Variants in NELL1 observed in about 807,000 individuals in gnomAD.
NELL1 encodes the protein protein kinase C-binding protein NELL1.
In NELL1, 76 loss-of-function variants were observed where a neutral mutation model predicts 107.4. That is an observed-to-expected ratio of 0.71 (90% CI 0.59 to 0.86). NELL1 has a LOEUF of 0.86. Ranked by LOEUF, NELL1 falls within the 40% of genes least tolerant of loss-of-function variation. The pLI, the probability that NELL1 is intolerant of heterozygous loss-of-function variation, is 0.00. For synonymous variants in NELL1, 353 were observed against 341.2 expected, an observed-to-expected ratio of 1.03 and a Z score of -0.38; for missense variants, 1,024 against 1,005.5, an observed-to-expected ratio of 1.02 and a Z score of -0.25.
chr11:21,519,293 A>G (rs931683045), intron 15 of NELL1, among the ~76,000 whole-genome samples: 1 of 152,210 alleles, frequency 6.6e-6, no homozygotes, highest in African/African-American at 2.4e-5. Flanking sequence ...TTCTCAAAGT[A>G]GAGTTCTCAG....
intron 13 of NELL1, among the ~76,000 whole-genome samples, chr11:21,223,200 C>A (rs1857805243): frequency 6.6e-6 from 1 of 152,034 alleles, no homozygotes; most frequent in South Asian, 2.1e-4. Context: ...TTCTCTTTCT[C>A]TCTTCAGATG....
At chr11:21,347,033 C>T (rs1850698428) in intron 14 of NELL1, among the ~76,000 whole-genome samples, 1 of 152,144 alleles carries the variant, frequency 6.6e-6, no homozygotes, top group Admixed American at 6.5e-5. Context: ...ATAAACTTAA[C>T]AATGCTGCTG....
At chr11:21,364,731 T>C (rs915612959) in intron 14 of NELL1, among the ~76,000 whole-genome samples, 1 of 152,142 alleles carries the variant, frequency 6.6e-6, no homozygotes, top group African/African-American at 2.4e-5. Flanking sequence ...ACTCAAATAA[T>C]AGACAGGGCA....
intron 12 of NELL1, among the ~76,000 whole-genome samples, chr11:20,970,053 G>GTCCGTCCGTCCATCCATCCA (rs1288028582): frequency 4.0e-5 from 5 of 125,968 alleles, no homozygotes; most frequent in African/African-American, 1.7e-4. Flanking sequence ...CTATCTCTCT[G>GTCCGTCCGTCCATCCATCCA]TCCATCCATC....
intron 13 of NELL1, among the ~76,000 whole-genome samples, chr11:21,135,055 T>A (rs1451352378): frequency 6.6e-6 from 1 of 152,182 alleles, no homozygotes; most frequent in African/African-American, 2.4e-5. Context: ...ATTTCTGTTA[T>A]TTTTGTTTTT....
intron 2 of NELL1, among the ~76,000 whole-genome samples, chr11:20,750,257 T>C (rs1251782834): frequency 6.6e-6 from 1 of 152,166 alleles, no homozygotes; most frequent in African/African-American, 2.4e-5. Context: ...TCCATTAAAG[T>C]CTTTTCTTCA....
rs185549810 is a variant in NELL1, at chr11:20,819,421, A to G, written c.336-28162A>G. 2.8e-4 allele frequency among the ~76,000 whole-genome samples: 43 copies of G among 152,292 alleles called. No individual in the cohort carries two copies. In the East Asian group the frequency reaches 7.9e-3, roughly 28 times the overall value. On this transcript the variant is annotated intron_variant, in intron 3 of 19. Coordinates refer to ENST00000357134, the MANE Select transcript of NELL1 (RefSeq NM_006157.5). Reference sequence around the variant, plus strand: ...GGTCAGTAATAAAACATCTCCTGAAAAAGGCCGTTGTTTACATGCTGCAAA... The same window carrying G: ...GGTCAGTAATAAAACATCTCCTGAAGAAGGCCGTTGTTTACATGCTGCAAA...
At chr11:20,786,873 TGGCG>T (rs1350422316) in intron 3 of NELL1, among the ~76,000 whole-genome samples, 4 of 151,510 alleles carry the variant, frequency 2.6e-5, no homozygotes, top group Non-Finnish European at 5.9e-5. Flanking sequence ...CCGGGCATGG[TGGCG>T]GGCGCCTGTA....
intron 15 of NELL1, among the ~76,000 whole-genome samples, chr11:21,486,500 CA>C (rs1351299061): frequency 6.6e-6 from 1 of 151,800 alleles, no homozygotes; most frequent in South Asian, 2.1e-4. Context: ...AAAGCAAGTT[CA>C]AAAAAATAGA....
intron 15 of NELL1, among the ~76,000 whole-genome samples, chr11:21,523,213 A>C (rs1855772059): frequency 6.6e-6 from 1 of 152,058 alleles, no homozygotes; most frequent in African/African-American, 2.4e-5. Flanking sequence ...TCTACATGGA[A>C]TATCTTTCCC....
chr11:20,898,437 G>A (rs2134127882), intron 5 of NELL1, among the ~76,000 whole-genome samples: 1 of 152,066 alleles, frequency 6.6e-6, no homozygotes, highest in East Asian at 1.9e-4. Context: ...GGGGGAAGGG[G>A]GAGGGATAGC....
chr11:20,785,413 G>A (rs754116443), intron 3 of NELL1, among the ~76,000 whole-genome samples: 1 of 152,226 alleles, frequency 6.6e-6, no homozygotes, highest in Non-Finnish European at 1.5e-5. Flanking sequence ...GAAAGGTATA[G>A]GTTCTCATTT....
intron 5 of NELL1, among the ~76,000 whole-genome samples, chr11:20,887,742 G>T (rs1329273133): frequency 6.6e-6 from 1 of 152,156 alleles, no homozygotes; most frequent in Non-Finnish European, 1.5e-5. Flanking sequence ...GCTCAATAAA[G>T]TATATTAAAG....
At chr11:20,977,826 A>C (rs1695880704) in intron 12 of NELL1, among the ~76,000 whole-genome samples, 1 of 152,158 alleles carries the variant, frequency 6.6e-6, no homozygotes, top group African/African-American at 2.4e-5. Context: ...GTTGCTGCTA[A>C]TATTTATCAG....
intron 14 of NELL1, among the ~76,000 whole-genome samples, chr11:21,312,501 C>A (rs1412306609): frequency 2.6e-5 from 4 of 152,118 alleles, no homozygotes; most frequent in African/African-American, 9.7e-5. Flanking sequence ...ATCAATCACA[C>A]CCTGATTACC....
chr11:21,006,200 G>C (rs2134280186), intron 12 of NELL1, among the ~76,000 whole-genome samples: 1 of 152,180 alleles, frequency 6.6e-6, no homozygotes. Context: ...TTTAGATGTT[G>C]ATGATATTTA....
At chr11:20,673,399 G>A (rs1046208303) in intron 1 of NELL1, among the ~76,000 whole-genome samples, 10 of 133,938 alleles carry the variant, frequency 7.5e-5, no homozygotes, top group Admixed American at 2.9e-4. Context: ...ATGAGCTCTT[G>A]GAGCATTTTT....
chr11:20,929,489 C>A (rs185502077), intron 9 of NELL1, among the ~76,000 whole-genome samples: 1 of 150,306 alleles, frequency 6.7e-6, no homozygotes, highest in Non-Finnish European at 1.5e-5. Flanking sequence ...GGGGGATGTA[C>A]TTGGAGTTGC....
intron 13 of NELL1, among the ~76,000 whole-genome samples, chr11:21,117,269 T>C (rs1855259564): frequency 6.6e-6 from 1 of 151,172 alleles, no homozygotes; most frequent in Admixed American, 6.6e-5. Context: ...GAGTAATACA[T>C]ATTATTATCT....
Sources: gnomAD v4.1 joint callset for allele counts (sites outside exome capture counted in the v4.1 genomes callset) on GRCh38, gnomAD v4.1.1 for gene constraint, MANE v1.5 for transcripts, NCBI Gene and HGNC (gene_info 2026-07-23, HGNC 2026-07-21) for gene names.